The following RANBP17 variants were observed in gnomAD, a reference collection of about 807,000 sequenced individuals.
The protein encoded by RANBP17 is RAN binding protein 17.
In RANBP17, 158 loss-of-function variants were observed where a neutral mutation model predicts 141.2. The observed-to-expected ratio is 1.12, with a 90% confidence interval of 0.98 to 1.28. RANBP17 has a LOEUF of 1.28. Ranked by LOEUF, RANBP17 falls within the 50% of genes most tolerant of loss-of-function variation. RANBP17 has a pLI of 0.00. For synonymous variants in RANBP17, 430 were observed against 450.0 expected (o/e 0.96, Z 0.56); for missense variants, 1,438 against 1,290.7 (o/e 1.11, Z -1.75).
intron 14 of RANBP17, 144 bp from the exon 15 acceptor site, chr5:171,169,986 A>T (rs747924575): frequency 2.7e-4 from 113 of 413,026 alleles, no homozygotes; most frequent in Non-Finnish European, 4.5e-4. Flanking sequence ...GATTCTTTTT[A>T]AAAAATTCCT....
At chr5:171,112,918 A>G (rs1349438401) in intron 14 of RANBP17, among the ~76,000 whole-genome samples, 4 of 152,146 alleles carry the variant, frequency 2.6e-5, no homozygotes, top group African/African-American at 9.6e-5. Flanking sequence ...GGCTTTGTCA[A>G]GTATTAGCTC....
chr5:171,016,079 C>T (rs1780403563), intron 14 of RANBP17, among the ~76,000 whole-genome samples: 1 of 152,048 alleles, frequency 6.6e-6, no homozygotes. Flanking sequence ...TTTCCATCTC[C>T]TCAACTTAAA....
At chr5:170,873,945 A>C (rs1296007177) in intron 1 of RANBP17, among the ~76,000 whole-genome samples, 1 of 151,934 alleles carries the variant, frequency 6.6e-6, no homozygotes, top group African/African-American at 2.4e-5. Context: ...TAGGGTGTTG[A>C]TTTGAGATCT....
In RANBP17 at chr5:170,939,185, A is replaced by G. The variant is rs564857503; in HGVS notation, c.1469-14412A>G. 1.3e-3 allele frequency among the ~76,000 whole-genome samples: 201 copies of G among 152,282 alleles called. 1 individual carries two copies. The highest frequency in any genetic ancestry group is 1.9e-3 in the South Asian group (9 of 4,820). On this transcript the variant is annotated intron_variant, in intron 12 of 27. Coordinates refer to ENST00000523189, the MANE Select transcript of RANBP17 (RefSeq NM_022897.5). ...TATATCAGCAAAAATATCTTTCGAG[A>G]AAAACGATATACAATAGAGATTTCA...
At chr5:170,948,058 A>G (rs983519720) in intron 12 of RANBP17, among the ~76,000 whole-genome samples, 2 of 152,192 alleles carry the variant, frequency 1.3e-5, no homozygotes, top group African/African-American at 4.8e-5. Context: ...TTGAAAATTG[A>G]TAGGATATCT....
rs1554127986 is a variant in RANBP17, at chr5:171,277,938, C to CCTTTTTTTTTTTTTTTTTTTTT, written c.2943+12091_2943+12092insCTTTTTTTTTTTTTTTTTTTTT. ...CAGTCCTTGAGCCTAGGACTTCTTT[C>CCTTTTTTTTTTTTTTTTTTTTT]TTTTTTTTTTTTTTTTTTTTTTTTT... On this transcript the variant is annotated intron_variant, in intron 25 of 27. Coordinates refer to ENST00000523189, the MANE Select transcript of RANBP17 (RefSeq NM_022897.5). 2.8e-5 allele frequency among the ~76,000 whole-genome samples: 2 copies of CCTTTTTTTTTTTTTTTTTTTTT among 72,266 alleles called. 1 individual carries two copies. 47.4% of individuals were successfully genotyped at this position (72,266 alleles called of 152,430 possible).
At chr5:171,126,620 C>G (rs1756487873) in intron 14 of RANBP17, among the ~76,000 whole-genome samples, 1 of 151,876 alleles carries the variant, frequency 6.6e-6, no homozygotes, top group Non-Finnish European at 1.5e-5. Context: ...ATAAATAAAT[C>G]CAGAAACAAA....
At chr5:171,260,090 A>G (rs904535239) in intron 24 of RANBP17, among the ~76,000 whole-genome samples, 8 of 151,996 alleles carry the variant, frequency 5.3e-5, no homozygotes, top group African/African-American at 1.7e-4. Context: ...ACTTGAGGTC[A>G]GGAGTTTGAG....
At chr5:170,899,499 A>G (rs1017530240) in intron 5 of RANBP17, among the ~76,000 whole-genome samples, 3 of 152,188 alleles carry the variant, frequency 2.0e-5, no homozygotes, top group African/African-American at 7.2e-5. Flanking sequence ...TCCTATTTGA[A>G]TACTCTTTAT....
At chr5:171,148,643 C>CAT (rs767252972) in intron 14 of RANBP17, among the ~76,000 whole-genome samples, 13 of 151,512 alleles carry the variant, frequency 8.6e-5, no homozygotes, top group Non-Finnish European at 1.8e-4. Context: ...ATTTCATGAT[C>CAT]ATATATATAA....
At chr5:171,172,653 G>A (rs1459309290) in intron 16 of RANBP17, among the ~76,000 whole-genome samples, 1 of 151,636 alleles carries the variant, frequency 6.6e-6, no homozygotes, top group African/African-American at 2.4e-5. Context: ...TACTTTGAAA[G>A]CATATTATCT....
chr5:171,266,062 C>T (rs1766654450), intron 25 of RANBP17, among the ~76,000 whole-genome samples: 1 of 152,154 alleles, frequency 6.6e-6, no homozygotes, highest in South Asian at 2.1e-4. Flanking sequence ...TTGTTCATCT[C>T]ACCTCAGTGG....
At chr5:170,930,743 T>C (rs1307655406) in intron 12 of RANBP17, among the ~76,000 whole-genome samples, 3 of 152,204 alleles carry the variant, frequency 2.0e-5, no homozygotes, top group African/African-American at 7.2e-5. Flanking sequence ...CATGAACTTG[T>C]CCTTTTTTAT....
intron 14 of RANBP17, among the ~76,000 whole-genome samples, chr5:171,063,508 C>G (rs970281555): frequency 6.6e-6 from 1 of 152,172 alleles, no homozygotes; most frequent in South Asian, 2.1e-4. Flanking sequence ...GCTGTCTGAT[C>G]GTTCCTCTGG....
intron 14 of RANBP17, among the ~76,000 whole-genome samples, chr5:171,102,925 A>G (rs1459216521): frequency 6.6e-6 from 1 of 152,182 alleles, no homozygotes; most frequent in African/African-American, 2.4e-5. Context: ...TATCACCAGC[A>G]GAGGCTACAC....
At chr5:170,869,997 A>G (rs1767584625) in intron 1 of RANBP17, among the ~76,000 whole-genome samples, 1 of 152,088 alleles carries the variant, frequency 6.6e-6, no homozygotes, top group Admixed American at 6.6e-5. Flanking sequence ...GTCTATTACT[A>G]TTTCTTGGCC....
chr5:171,170,272 T>C (rs1478145145), intron 15 of RANBP17, 69 bp downstream of exon 15: 4 of 673,434 alleles, frequency 5.9e-6, no homozygotes, highest in Non-Finnish European at 9.5e-6. Context: ...CTTTTTATTG[T>C]ATTTAAACCT....
chr5:170,881,680 T>A, intron 2 of RANBP17, 126 bp from the exon 3 acceptor site: 2 of 559,208 alleles, frequency 3.6e-6, no homozygotes, highest in East Asian at 5.9e-5. Flanking sequence ...ACATATTTTA[T>A]CTATTGTAAA....
intron 22 of RANBP17, among the ~76,000 whole-genome samples, chr5:171,229,549 C>T (rs949821961): frequency 6.6e-6 from 1 of 151,716 alleles, no homozygotes; most frequent in African/African-American, 2.4e-5. Flanking sequence ...TGCCCGCCAC[C>T]ATGCCTTGCT....
Sources: gnomAD v4.1 joint callset for allele counts (sites outside exome capture counted in the v4.1 genomes callset) on GRCh38, gnomAD v4.1.1 for gene constraint, MANE v1.5 for transcripts, NCBI Gene and HGNC (gene_info 2026-07-23, HGNC 2026-07-21) for gene names.